TRPM3: variants seen among roughly 807,000 people sequenced by gnomAD.
TRPM3 encodes the protein long transient receptor potential channel 3.
Under a neutral mutation model 181.2 loss-of-function variants are expected in TRPM3, and 77 were observed. The observed-to-expected ratio is 0.42, with a 90% confidence interval of 0.35 to 0.51. The LOEUF is 0.51. Among genes scored for constraint, TRPM3 ranks in the 20% least tolerant of loss-of-function variants. The pLI is 0.01. For synonymous variants in TRPM3, 745 were observed against 796.4 expected, an observed-to-expected ratio of 0.94 and a Z score of 1.09; for missense variants, 1,759 against 2,196.7, an observed-to-expected ratio of 0.80 and a Z score of 3.98.
intron 1 of TRPM3, among the ~76,000 whole-genome samples, chr9:71,012,260 A>G (rs2097751804): frequency 6.6e-6 from 1 of 152,146 alleles, no homozygotes; most frequent in Non-Finnish European, 1.5e-5. Flanking sequence ...GAGATTAGAG[A>G]TATTCCAATG....
chr9:71,206,121 T>A (rs1338116584), intron 1 of TRPM3, among the ~76,000 whole-genome samples: 1 of 152,204 alleles, frequency 6.6e-6, no homozygotes, highest in Non-Finnish European at 1.5e-5. Context: ...AGAAATGGGA[T>A]TGCTGGGTCA....
intron 25 of TRPM3, among the ~76,000 whole-genome samples, chr9:70,546,676 GAAAAA>G (rs76948604): frequency 4.6e-5 from 4 of 86,618 alleles, no homozygotes; most frequent in Admixed American, 1.3e-4. Flanking sequence ...CTCCTCATCG[GAAAAA>G]AAAAAAAAAA....
At chr9:71,039,116 C>T (rs990400972) in intron 1 of TRPM3, among the ~76,000 whole-genome samples, 3 of 152,164 alleles carry the variant, frequency 2.0e-5, no homozygotes, top group Non-Finnish European at 2.9e-5. Flanking sequence ...TTTTACCCAC[C>T]GATTCTGGCA....
chr9:70,638,975 A>C, intron 11 of TRPM3, 85 bp downstream of exon 11: 10 of 1,461,082 alleles, frequency 6.8e-6, no homozygotes, highest in African/African-American at 1.4e-5. Context: ...GGAGAAGGGA[A>C]GAGAATCACA....
chr9:71,332,114 G>A (rs577852770), intron 1 of TRPM3, among the ~76,000 whole-genome samples: 27 of 151,396 alleles, frequency 1.8e-4, no homozygotes, highest in South Asian at 8.4e-4. Flanking sequence ...CAAAATCAAC[G>A]TATCTATCCA....
rs536518164 is a variant in TRPM3 at position 71,379,301 on chromosome 9, A to G, written c.183+67352T>C. Among the ~76,000 whole-genome samples the G allele has an allele frequency of 1.3e-3, 203 of 152,210 alleles. 1 individual carries two copies. The highest frequency in any genetic ancestry group is 4.6e-3 in the African/African-American group (193 of 41,570). ...AGCATTACTTGGAACCATACTTTAA[A>G]TCATATCAACTTTTCTGAAACAAGA... On this transcript the variant is annotated intron_variant, in intron 1 of 24. Coordinates refer to the TRPM3 transcript ENST00000357533.
At chr9:70,848,369 T>A (rs2095070123) in intron 3 of TRPM3, among the ~76,000 whole-genome samples, 1 of 152,130 alleles carries the variant, frequency 6.6e-6, no homozygotes, top group Non-Finnish European at 1.5e-5. Context: ...TTGGAGGAGA[T>A]AATCAGAATT....
intron 6 of TRPM3, chr9:70,825,899 TG>T (rs1251830806): frequency 6.6e-6 from 1 of 152,268 alleles, no homozygotes; most frequent in Non-Finnish European, 1.5e-5. Flanking sequence ...AGGCTCTGGC[TG>T]GGGTTTTAAC....
intron 1 of TRPM3, among the ~76,000 whole-genome samples, chr9:71,095,805 A>G (rs955113918): frequency 2.0e-5 from 3 of 151,148 alleles, no homozygotes; most frequent in African/African-American, 7.3e-5. Flanking sequence ...AAAAGAGAGA[A>G]AGAGAGAGAG....
chr9:70,759,540 T>G (rs946836557), intron 8 of TRPM3, among the ~76,000 whole-genome samples: 1 of 152,194 alleles, frequency 6.6e-6, no homozygotes, highest in Non-Finnish European at 1.5e-5. Flanking sequence ...ACAAGTATTT[T>G]TATTGCAGCA....
chr9:70,988,981 G>A (rs1246501333), intron 1 of TRPM3, among the ~76,000 whole-genome samples: 1 of 152,176 alleles, frequency 6.6e-6, no homozygotes, highest in Non-Finnish European at 1.5e-5. Flanking sequence ...GCCTCCAGAT[G>A]AGGATGCAAC....
chr9:71,127,891 C>T (rs867119741), intron 1 of TRPM3, among the ~76,000 whole-genome samples: 6 of 152,140 alleles, frequency 3.9e-5, no homozygotes, highest in Non-Finnish European at 7.3e-5. Flanking sequence ...TTACCTTTGT[C>T]AAAGGGATAA....
chr9:70,626,137 T>A (rs150524263), intron 12 of TRPM3, among the ~76,000 whole-genome samples: 68 of 152,340 alleles, frequency 4.5e-4, no homozygotes, highest in African/African-American at 1.5e-3. Flanking sequence ...CATCTATACA[T>A]GCAAAAATAG....
chr9:71,162,199 C>CAAAAAAAAAAAAAAAAAAAAAAA (rs35947110), intron 1 of TRPM3, among the ~76,000 whole-genome samples: 20 of 74,276 alleles, frequency 2.7e-4, no homozygotes, highest in African/African-American at 4.3e-4. Flanking sequence ...GACTCTGTCT[C>CAAAAAAAAAAAAAAAAAAAAAAA]AAAAAAAAAA....
At chr9:71,075,092 C>T (rs1437355292) in intron 1 of TRPM3, among the ~76,000 whole-genome samples, 2 of 152,036 alleles carry the variant, frequency 1.3e-5, no homozygotes, top group Admixed American at 6.6e-5. Context: ...TCCACAATGA[C>T]TACATTGCAC....
chr9:70,931,114 C>T (rs890992757), intron 1 of TRPM3, among the ~76,000 whole-genome samples: 14 of 151,170 alleles, frequency 9.3e-5, no homozygotes, highest in African/African-American at 2.4e-4. Flanking sequence ...CAGTAAATAA[C>T]GCAACTTTGA....
chr9:70,810,605 TG>T (rs1304458615), intron 6 of TRPM3, among the ~76,000 whole-genome samples: 1 of 152,134 alleles, frequency 6.6e-6, no homozygotes, highest in Non-Finnish European at 1.5e-5. Flanking sequence ...GGCACAGAGT[TG>T]GTGCTCAAAT....
At chr9:71,034,861 G>A (rs928132437) in intron 1 of TRPM3, among the ~76,000 whole-genome samples, 1 of 151,452 alleles carries the variant, frequency 6.6e-6, no homozygotes, top group Non-Finnish European at 1.5e-5. Flanking sequence ...CCATATATAT[G>A]TATATATGTA....
intron 1 of TRPM3, among the ~76,000 whole-genome samples, chr9:71,286,288 A>C (rs935261274): frequency 6.6e-6 from 1 of 152,200 alleles, no homozygotes; most frequent in Non-Finnish European, 1.5e-5. Context: ...ATTCAAATTA[A>C]GCTAAACCGG....
Sources: allele counts gnomAD v4.1 joint callset (sites outside exome capture counted in the v4.1 genomes callset), GRCh38; gene constraint gnomAD v4.1.1; transcripts MANE v1.5; gene names NCBI Gene and HGNC (gene_info 2026-07-23, HGNC 2026-07-21).